LPIN2: variants seen among roughly 807,000 people sequenced by gnomAD.
LPIN2 encodes lipin 2, also known as phosphatidate phosphatase LPIN2.
LPIN2 carries 55 observed loss-of-function variants against 111.4 expected under a neutral mutation model. That is an observed-to-expected ratio of 0.49 (90% confidence interval 0.40 to 0.62). The LOEUF (loss-of-function observed/expected upper bound fraction) is 0.62. Ranked by LOEUF, LPIN2 falls within the 20% of genes least tolerant of loss-of-function variation. The probability of loss-of-function intolerance (pLI) is 0.00; values close to 1 mark genes in which losing one functional copy is unlikely to be tolerated. For missense variants in LPIN2, 992 were observed against 1,112.1 expected (o/e 0.89, Z 1.54); for synonymous variants, 425 against 414.0 (o/e 1.03, Z -0.32).
intron 4 of LPIN2, among the ~76,000 whole-genome samples, chr18:2,945,110 G>A (rs891554225): frequency 1.3e-5 from 2 of 151,800 alleles, no homozygotes; most frequent in African/African-American, 4.8e-5. Context: ...TTCAAGTACC[G>A]TAAGAACACA....
chr18:2,920,242 C>T lies in LPIN2; in HGVS notation c.*51G>A. ...GTCAGCAGAAGAGCCAGCTGCCTTCCCTTGCTGTGGGGAGGGGGACCAAGC... is the reference window on the plus strand; with the variant it reads ...GTCAGCAGAAGAGCCAGCTGCCTTCTCTTGCTGTGGGGAGGGGGACCAAGC... On this transcript the variant is annotated 3_prime_UTR_variant, in exon 20 of 20. Transcript: ENST00000677752. 1.2e-6 allele frequency: 2 copies of T among 1,612,254 alleles called. No homozygotes were observed. Among genetic ancestry groups the T allele is most frequent in the Middle Eastern group, 1.7e-4 (1 of 5,828 alleles).
chr18:2,979,583 G>C (rs566190735), intron 1 of LPIN2, among the ~76,000 whole-genome samples: 28 of 149,996 alleles, frequency 1.9e-4, no homozygotes, highest in African/African-American at 6.5e-4. Flanking sequence ...GCAATATACA[G>C]TGTGTGTGGA....
In LPIN2 at chr18:2,938,895, T is replaced by G. The variant is rs116872496; in HGVS notation, c.822+585A>C. 3.2e-3 allele frequency among the ~76,000 whole-genome samples: 494 copies of G among 152,380 alleles called. 14 individuals carry two copies. The East Asian group carries it at 0.061, about 19-fold the overall frequency. ...TTGGCTGGGGATGGCAGCTCACGCC[T>G]GTAATCCCAGCACTCTGGGAGGCCA... On this transcript the variant is annotated intron_variant, in intron 6 of 19. Coordinates refer to ENST00000677752, the MANE Select transcript of LPIN2 (RefSeq NM_001375808.2).
Position 3,013,113 on chromosome 18 carries a change from G to C in LPIN2, c.-36C>G, listed in dbSNP as rs531397728. The C allele has an allele frequency of 6.6e-6, 1 of 150,668 alleles. No individual in the cohort carries two copies. Among genetic ancestry groups the C allele is most frequent in the African/African-American group, 2.4e-5 (1 of 41,304 alleles). 9.3% of individuals were successfully genotyped at this position (150,668 alleles called of 1,614,324 possible). A position where few individuals can be genotyped will look rare whatever the true frequency, so the allele number is the denominator to read the frequency against. On this transcript the variant is annotated 5_prime_UTR_variant, in exon 1 of 20. Coordinates refer to ENST00000677752, the MANE Select transcript of LPIN2 (RefSeq NM_001375808.2). Reference sequence around the variant, plus strand: ...CACAGGGGCTCCGCTCCCGGCCAGCGGGCGGCTGAGGGCAGGCGGCGGCTG... The same window carrying C: ...CACAGGGGCTCCGCTCCCGGCCAGCCGGCGGCTGAGGGCAGGCGGCGGCTG...
chr18:2,937,561 A>T lies in LPIN2; in HGVS notation c.1168+131T>A. On this transcript the variant is annotated intron_variant, in intron 7 of 19. Transcript: ENST00000677752. ...ACTCCAGCTAAAAAAAAAAAAAAAA[A>T]AAAAAAAAAAGTGCGACGGGTTTCG... 5.7e-6 allele frequency: 4 copies of T among 700,342 alleles called. No homozygotes were observed. In the South Asian group the frequency reaches 7.9e-5, roughly 14 times the overall value. The allele number at this position is 700,342 out of a possible 1,614,324, so 43.4% of individuals were successfully genotyped here.
intron 1 of LPIN2, among the ~76,000 whole-genome samples, chr18:2,996,766 C>T (rs1408527818): frequency 1.3e-5 from 2 of 151,838 alleles, no homozygotes; most frequent in Non-Finnish European, 2.9e-5. Context: ...CGTGAGCCAC[C>T]ACGCTCGACC....
chr18:2,920,034 A>C lies in LPIN2; in HGVS notation c.*259T>G, dbSNP rs949811056. ...GAGGCCCCAGCTCACAGCAGGAAACATGTGTGCGACCCACAAAGGAGGGAT... is the reference window on the plus strand; with the variant it reads ...GAGGCCCCAGCTCACAGCAGGAAACCTGTGTGCGACCCACAAAGGAGGGAT... On this transcript the variant is annotated 3_prime_UTR_variant, in exon 20 of 20. Transcript: ENST00000677752. The C allele has an allele frequency of 3.5e-6, 2 of 567,782 alleles. No homozygotes were observed. The highest frequency in any genetic ancestry group is 1.9e-5 in the African/African-American group (1 of 53,148). The allele number at this position is 567,782 out of a possible 1,614,324, so 35.2% of individuals were successfully genotyped here. A position where few individuals can be genotyped will look rare whatever the true frequency, so the allele number is the denominator to read the frequency against.
intron 12 of LPIN2, among the ~76,000 whole-genome samples, chr18:2,927,143 A>G (rs1248653576): frequency 3.3e-5 from 5 of 152,204 alleles, no homozygotes; most frequent in African/African-American, 1.2e-4. Flanking sequence ...GAAGGGACTG[A>G]AAGGCAGCCC....
In LPIN2 at chr18:2,926,758, G is replaced by A. The variant is rs2144139743; in HGVS notation, c.1758C>T (p.Asp586=). ...EGKSEAPPAS[D]LPSSSKEPAG... ...CCGGCTCCTTGGAGCTGGATGGCAG[G>A]TCACTGGCTGGCGGTGCCTCAGATT... Residue 586 remains aspartate, a synonymous_variant, in exon 13 of 20, where the codon GAC becomes GAT. Transcript: ENST00000677752. 6.2e-7 allele frequency: 1 copy of A among 1,613,734 alleles called. No homozygotes were observed. Among genetic ancestry groups the A allele is most frequent in the Middle Eastern group, 1.6e-4 (1 of 6,062 alleles).
intron 1 of LPIN2, among the ~76,000 whole-genome samples, chr18:2,963,158 G>C (rs1313615300): frequency 6.6e-6 from 1 of 152,194 alleles, no homozygotes; most frequent in Admixed American, 6.5e-5. Flanking sequence ...AGTAAAGGGA[G>C]GCCTGTAGCT....
At chr18:2,985,701 A>C (rs955887558) in intron 1 of LPIN2, among the ~76,000 whole-genome samples, 9 of 152,314 alleles carry the variant, frequency 5.9e-5, no homozygotes, top group African/African-American at 2.2e-4. Flanking sequence ...GATTTATTTA[A>C]AACTTTCTAG....
intron 13 of LPIN2, among the ~76,000 whole-genome samples, chr18:2,926,508 G>A (rs1333606455): frequency 2.6e-5 from 4 of 152,112 alleles, no homozygotes; most frequent in East Asian, 1.9e-4. Flanking sequence ...CTGGCGCCAC[G>A]GCTCCACAAG....
At chr18:2,968,365 G>C (rs2077842807) in intron 1 of LPIN2, among the ~76,000 whole-genome samples, 1 of 152,134 alleles carries the variant, frequency 6.6e-6, no homozygotes, top group African/African-American at 2.4e-5. Context: ...CCTGTTTCTG[G>C]TACAGTTCAG....
Position 2,923,866 on chromosome 18 carries a change from G to C in LPIN2, c.2088-5C>G, listed in dbSNP as rs747664058. 6.2e-7 allele frequency: 1 copy of C among 1,612,822 alleles called. No individual in the cohort carries two copies. Among genetic ancestry groups the C allele is most frequent in the Admixed American group, 1.7e-5 (1 of 60,026 alleles). ...ATCTGTCCCAAAGCATCCGACCTAAGAAGACGGTAGAAACAGGAAAAGCTA... is the reference window on the plus strand; with the variant it reads ...ATCTGTCCCAAAGCATCCGACCTAACAAGACGGTAGAAACAGGAAAAGCTA... On this transcript the variant is annotated splice_polypyrimidine_tract_variant and splice_region_variant and intron_variant, in intron 15 of 19. Transcript: ENST00000677752.
At chr18:2,976,310 T>C (rs910826387) in intron 1 of LPIN2, among the ~76,000 whole-genome samples, 1 of 152,130 alleles carries the variant, frequency 6.6e-6, no homozygotes, top group Non-Finnish European at 1.5e-5. Context: ...TGGACTACCA[T>C]TGCAACTCCT....
intron 1 of LPIN2, among the ~76,000 whole-genome samples, chr18:2,999,049 TA>T (rs1379628411): frequency 6.6e-6 from 1 of 152,226 alleles, no homozygotes; most frequent in East Asian, 1.9e-4. Flanking sequence ...TAGGTGTAAC[TA>T]AAAGCATCTT....
intron 14 of LPIN2, among the ~76,000 whole-genome samples, chr18:2,924,962 G>C (rs1375688376): frequency 6.6e-6 from 1 of 152,222 alleles, no homozygotes; most frequent in African/African-American, 2.4e-5. Context: ...GCTCAGCGCT[G>C]GGTTAGCTGT....
At chr18:2,952,202 G>T (rs1053443955) in intron 3 of LPIN2, among the ~76,000 whole-genome samples, 2 of 152,272 alleles carry the variant, frequency 1.3e-5, no homozygotes, top group African/African-American at 2.4e-5. Context: ...AGAGGCAGGC[G>T]GATCACCTGA....
At chr18:2,959,682 C>G (rs1003558948) in intron 2 of LPIN2, among the ~76,000 whole-genome samples, 1 of 152,190 alleles carries the variant, frequency 6.6e-6, no homozygotes, top group African/African-American at 2.4e-5. Context: ...AAAACCTACA[C>G]AAATATCTTC....
Sources: allele counts gnomAD v4.1 joint callset (sites outside exome capture counted in the v4.1 genomes callset), GRCh38; gene constraint gnomAD v4.1.1; transcripts MANE v1.5; gene names NCBI Gene and HGNC (gene_info 2026-07-23, HGNC 2026-07-21).